ARHGAP6: variants seen among roughly 807,000 people sequenced by gnomAD.
ARHGAP6 encodes rho GTPase-activating protein 6.
A neutral mutation model predicts 55.7 loss-of-function variants in ARHGAP6; 16 were observed. The ratio of observed to expected loss-of-function variants is 0.29; its 90% CI spans 0.19 to 0.44. The LOEUF (loss-of-function observed/expected upper bound fraction) is 0.44, where lower values mean the gene tolerates loss of function less well. Ranked by LOEUF, ARHGAP6 falls within the 20% of genes least tolerant of loss-of-function variation. The pLI is 1.00. For missense variants in ARHGAP6, 698 were observed against 808.9 expected (o/e 0.86, Z 1.66); for synonymous variants, 382 against 360.9 (o/e 1.06, Z -0.66).
chrX:11,603,087 A>C (rs1183523944), intron 1 of ARHGAP6, among the ~76,000 whole-genome samples: 1 of 112,324 alleles, frequency 8.9e-6, no homozygotes, highest in East Asian at 2.8e-4. Flanking sequence ...AGAAAGGGCC[A>C]TGAACATGAC....
chrX:11,400,542 T>A (rs1177137233), intron 1 of ARHGAP6, among the ~76,000 whole-genome samples: 1 of 103,100 alleles, frequency 9.7e-6, no homozygotes, highest in Admixed American at 1.0e-4. Context: ...GTCGTTTACC[T>A]CTGCTTCAGG....
chrX:11,298,962 C>T (rs764860638), intron 1 of ARHGAP6: 12 of 1,207,710 alleles, frequency 9.9e-6, no homozygotes, highest in East Asian at 3.0e-5. Flanking sequence ...CAAGACCAAG[C>T]GGGAGGAAGT....
intron 1 of ARHGAP6, among the ~76,000 whole-genome samples, chrX:11,383,806 A>G (rs1433948719): frequency 8.9e-6 from 1 of 111,957 alleles, no homozygotes; most frequent in African/African-American, 3.3e-5. Flanking sequence ...TCTTCAGAAA[A>G]TATGAGTACT....
chrX:11,328,177 A>AT (rs922417276), intron 1 of ARHGAP6, among the ~76,000 whole-genome samples: 5 of 112,281 alleles, frequency 4.5e-5, no homozygotes, highest in African/African-American at 1.6e-4. Flanking sequence ...GGAAGGTAAA[A>AT]TGTTGTCTAA....
Position 11,168,943 on chromosome X carries a change from A to G in ARHGAP6, c.1809+562T>C, listed in dbSNP as rs911141164. On this transcript the variant is annotated intron_variant, in intron 9 of 12. Transcript: ENST00000337414. ...TATGGAGAGGAGATAACAATGGTGCAGTCCTTGTTTTAAATGCATTTATAC... is the reference window on the plus strand; with the variant it reads ...TATGGAGAGGAGATAACAATGGTGCGGTCCTTGTTTTAAATGCATTTATAC... Among the ~76,000 whole-genome samples, 3 of 112,246 alleles carry G rather than the reference A, an allele frequency of 2.7e-5. No homozygotes were observed. In the East Asian group the frequency reaches 8.4e-4, roughly 32 times the overall value.
intron 9 of ARHGAP6, among the ~76,000 whole-genome samples, chrX:11,161,917 G>A: frequency 9.0e-6 from 1 of 111,642 alleles, no homozygotes; most frequent in East Asian, 2.8e-4. Context: ...AACTGCAATG[G>A]TCTTGAAGTC....
At chrX:11,252,262 A>G (rs1004598368) in intron 2 of ARHGAP6, among the ~76,000 whole-genome samples, 3 of 113,001 alleles carry the variant, frequency 2.7e-5, no homozygotes, top group Non-Finnish European at 5.6e-5. Context: ...GTGCATTCAA[A>G]CCAAGTTTCA....
In ARHGAP6 at chrX:11,154,302, C is replaced by A. The variant is rs190586687; in HGVS notation, c.1907+2227G>T. Among the ~76,000 whole-genome samples, 752 of 111,796 alleles carry A rather than the reference C, an allele frequency of 6.7e-3. 22 individuals carry two copies. The Admixed American group carries it at 0.068, about 10-fold the overall frequency. ...AAGATCTTGGTCTAGGGTCTGCTCA[C>A]CTACACTTTAAAATTCTACTTCTTA... On this transcript the variant is annotated intron_variant, in intron 10 of 12. Coordinates refer to ENST00000337414, the MANE Select transcript of ARHGAP6 (RefSeq NM_013427.3).
chrX:11,179,500 A>G, intron 6 of ARHGAP6, 48 bp from the exon 7 acceptor site: 3 of 1,169,559 alleles, frequency 2.6e-6, no homozygotes, highest in Non-Finnish European at 3.4e-6. Flanking sequence ...CCATACCTCA[A>G]TGAGCAGTGC....
intron 1 of ARHGAP6, among the ~76,000 whole-genome samples, chrX:11,573,668 G>A (rs1239129008): frequency 9.1e-6 from 1 of 110,478 alleles, no homozygotes; most frequent in African/African-American, 3.3e-5. Context: ...TGGCGATGTG[G>A]GCTCTTTTTT....
At chrX:11,615,996 A>C (rs1186598079) in intron 1 of ARHGAP6, among the ~76,000 whole-genome samples, 1 of 111,621 alleles carries the variant, frequency 9.0e-6, no homozygotes, top group East Asian at 2.8e-4. Flanking sequence ...CTCATGTTGA[A>C]ATTTGGCCCA....
chrX:11,512,070 T>C (rs5935091), intron 1 of ARHGAP6, among the ~76,000 whole-genome samples: 2,258 of 111,020 alleles, frequency 0.02, 28 homozygotes, highest in Middle Eastern at 0.069. Flanking sequence ...TTGTGATCTG[T>C]CCGCCTTGGC....
chrX:11,453,074 C>T (rs1216407766), intron 1 of ARHGAP6, among the ~76,000 whole-genome samples: 1 of 107,260 alleles, frequency 9.3e-6, no homozygotes, highest in East Asian at 2.9e-4. Flanking sequence ...TTTGGAAAAC[C>T]CAGAAATAAT....
chrX:11,642,532 A>G lies in ARHGAP6; in HGVS notation c.588+21709T>C, dbSNP rs989115005. 1.6e-4 allele frequency among the ~76,000 whole-genome samples: 18 copies of G among 111,969 alleles called. No homozygotes were observed. The Admixed American group carries it at 1.7e-3, about 11-fold the overall frequency. ...TCATAATAACCAAAAAGTGGAAACAACCTAACTATCCATTAACTGATGAAT... is the reference window on the plus strand; with the variant it reads ...TCATAATAACCAAAAAGTGGAAACAGCCTAACTATCCATTAACTGATGAAT... On this transcript the variant is annotated intron_variant, in intron 1 of 12. Coordinates refer to ENST00000337414, the MANE Select transcript of ARHGAP6 (RefSeq NM_013427.3).
At chrX:11,390,167 C>T (rs763951124) in intron 1 of ARHGAP6, among the ~76,000 whole-genome samples, 2 of 111,819 alleles carry the variant, frequency 1.8e-5, no homozygotes, top group South Asian at 3.8e-4. Context: ...TTCCCAGCAC[C>T]ATTTATTAAA....
chrX:11,364,972 G>A (rs1459568362), intron 1 of ARHGAP6, among the ~76,000 whole-genome samples: 1 of 111,250 alleles, frequency 9.0e-6, no homozygotes, highest in East Asian at 2.8e-4. Flanking sequence ...TATACAGGAG[G>A]TAGTGAAAGG....
intron 2 of ARHGAP6, among the ~76,000 whole-genome samples, chrX:11,198,684 A>G (rs1177418854): frequency 5.3e-5 from 6 of 112,687 alleles, no homozygotes; most frequent in Non-Finnish European, 9.4e-5. Context: ...AAGTCAGAAT[A>G]CATACCAGAT....
intron 1 of ARHGAP6, among the ~76,000 whole-genome samples, chrX:11,342,540 G>A (rs2048720175): frequency 8.9e-6 from 1 of 111,896 alleles, no homozygotes; most frequent in Non-Finnish European, 1.9e-5. Flanking sequence ...TAAATTCAAT[G>A]AAAGTGTCAT....
chrX:11,595,119 T>C (rs965152604), intron 1 of ARHGAP6, among the ~76,000 whole-genome samples: 25 of 110,400 alleles, frequency 2.3e-4, no homozygotes, highest in Non-Finnish European at 1.1e-4. Context: ...TAAAACCCCA[T>C]CTCTACCAAA....
Sources: gnomAD v4.1 joint callset for allele counts (sites outside exome capture counted in the v4.1 genomes callset) on GRCh38, gnomAD v4.1.1 for gene constraint, MANE v1.5 for transcripts, NCBI Gene and HGNC (gene_info 2026-07-23, HGNC 2026-07-21) for gene names.